The following FAF1 variants were observed in gnomAD, a reference collection of about 807,000 sequenced individuals.
FAF1 encodes Fas associated factor 1.
A neutral mutation model predicts 92.5 loss-of-function variants in FAF1; 25 were observed. That is an observed-to-expected ratio of 0.27 (90% CI 0.20 to 0.38). The LOEUF (loss-of-function observed/expected upper bound fraction) is 0.38, where lower values mean the gene tolerates loss of function less well. Among genes scored for constraint, FAF1 ranks in the 10% least tolerant of loss-of-function variants. FAF1 has a pLI of 1.00. For synonymous variants in FAF1, 234 were observed against 273.2 expected, an observed-to-expected ratio of 0.86 and a Z score of 1.42; for missense variants, 636 against 793.3, an observed-to-expected ratio of 0.80 and a Z score of 2.38.
intron 1 of FAF1, among the ~76,000 whole-genome samples, chr1:50,906,343 T>G (rs184496405): frequency 1.0e-3 from 152 of 152,288 alleles, no homozygotes; most frequent in Admixed American, 3.2e-3. Flanking sequence ...TTTGGCTTAC[T>G]ATTGTCTTGG....
In FAF1 at chr1:50,606,854, C is replaced by T. The variant is rs567588974; in HGVS notation, c.745-10638G>A. ...TCTTATATCACTCATTACCTGCTTA[C>T]GACTGGGAATTTCGAAAGGATACAT... On this transcript the variant is annotated intron_variant, in intron 8 of 18. Transcript: ENST00000396153. 2.0e-5 allele frequency: 3 copies of T among 152,144 alleles called. No individual in the cohort carries two copies. The East Asian group carries it at 5.8e-4, about 29-fold the overall frequency. 9.4% of individuals were successfully genotyped at this position (152,144 alleles called of 1,614,324 possible). A position where few individuals can be genotyped will look rare whatever the true frequency, so the allele number is the denominator to read the frequency against.
intron 18 of FAF1, among the ~76,000 whole-genome samples, chr1:50,465,948 T>C (rs75055136): frequency 0.014 from 2,079 of 152,066 alleles, 44 homozygotes; most frequent in African/African-American, 0.046. Context: ...GTCAGAGAAA[T>C]GCCAGCAAGT....
rs577687198 is a variant in FAF1 at position 50,889,483 on chromosome 1, C to A, written c.46-31486G>T. 2.4e-3 allele frequency among the ~76,000 whole-genome samples: 370 copies of A among 151,266 alleles called. 2 individuals carry two copies. The highest frequency in any genetic ancestry group is 8.7e-3 in the African/African-American group (357 of 41,168). On this transcript the variant is annotated intron_variant, in intron 1 of 18. Coordinates refer to ENST00000396153, the MANE Select transcript of FAF1 (RefSeq NM_007051.3). ...GGGTGTCAATTTTAGATCTTTCCTGCTTTCTCTTGTGGGCATTTAGTGCTA... is the reference window on the plus strand; with the variant it reads ...GGGTGTCAATTTTAGATCTTTCCTGATTTCTCTTGTGGGCATTTAGTGCTA...
intron 12 of FAF1, among the ~76,000 whole-genome samples, chr1:50,574,475 A>T (rs1650615985): frequency 6.6e-6 from 1 of 152,166 alleles, no homozygotes; most frequent in African/African-American, 2.4e-5. Context: ...TTAAAAGTGC[A>T]GGAAGGATTT....
At chr1:50,564,051 T>C (rs1457559801) in intron 13 of FAF1, among the ~76,000 whole-genome samples, 1 of 152,210 alleles carries the variant, frequency 6.6e-6, no homozygotes, top group Non-Finnish European at 1.5e-5. Flanking sequence ...ATCAAAGCAT[T>C]CACTTAGTTT....
intron 7 of FAF1, among the ~76,000 whole-genome samples, chr1:50,656,247 G>A (rs935787860): frequency 2.6e-5 from 4 of 151,358 alleles, no homozygotes; most frequent in South Asian, 2.1e-4. Flanking sequence ...CAGGAGAATC[G>A]TTTGCATCCG....
At chr1:50,691,613 C>CA (rs1424382356) in intron 7 of FAF1, among the ~76,000 whole-genome samples, 1 of 150,408 alleles carries the variant, frequency 6.6e-6, no homozygotes, top group Admixed American at 6.6e-5. Context: ...TTTTTTGAGA[C>CA]AGAGTTTCTC....
At chr1:50,661,629 G>A (rs12077720) in intron 7 of FAF1, among the ~76,000 whole-genome samples, 4,638 of 152,174 alleles carry the variant, frequency 0.03, 235 homozygotes, top group African/African-American at 0.1. Context: ...CCAGTGCATC[G>A]CATTATCAGA....
At chr1:50,497,840 G>A (rs187985753) in intron 15 of FAF1, among the ~76,000 whole-genome samples, 30 of 151,970 alleles carry the variant, frequency 2.0e-4, no homozygotes, top group African/African-American at 6.3e-4. Context: ...GTGCCACCGC[G>A]CCCGGGCTCA....
chr1:50,580,696 A>G (rs1362923119), intron 12 of FAF1, among the ~76,000 whole-genome samples: 6 of 152,234 alleles, frequency 3.9e-5, no homozygotes, highest in Non-Finnish European at 8.8e-5. Flanking sequence ...GGTCAACTAA[A>G]CATACAATAA....
intron 18 of FAF1, among the ~76,000 whole-genome samples, chr1:50,451,566 G>A (rs982932025): frequency 1.3e-5 from 2 of 152,216 alleles, no homozygotes; most frequent in African/African-American, 4.8e-5. Flanking sequence ...TTGTAGTCAT[G>A]TACTAGACTA....
At chr1:50,575,589 G>A (rs1650690523) in intron 12 of FAF1, among the ~76,000 whole-genome samples, 1 of 151,946 alleles carries the variant, frequency 6.6e-6, no homozygotes, top group Non-Finnish European at 1.5e-5. Flanking sequence ...TACATTATTT[G>A]TATAATTCAA....
At chr1:50,537,518 T>C (rs980190658) in intron 14 of FAF1, among the ~76,000 whole-genome samples, 4 of 152,190 alleles carry the variant, frequency 2.6e-5, no homozygotes, top group African/African-American at 9.6e-5. Flanking sequence ...ATGTGGATTA[T>C]GGCTATTAAC....
At chr1:50,675,210 T>C (rs1166840695) in intron 7 of FAF1, among the ~76,000 whole-genome samples, 2 of 152,226 alleles carry the variant, frequency 1.3e-5, no homozygotes, top group African/African-American at 2.4e-5. Flanking sequence ...CATTTTCAAG[T>C]AAATCTGGTA....
intron 1 of FAF1, among the ~76,000 whole-genome samples, chr1:50,929,789 T>C (rs1570152956): frequency 6.6e-6 from 1 of 152,342 alleles, no homozygotes; most frequent in African/African-American, 2.4e-5. Flanking sequence ...TCTAAAGATT[T>C]ATAAGATTAT....
intron 2 of FAF1, among the ~76,000 whole-genome samples, chr1:50,841,271 A>G (rs1476783687): frequency 6.6e-6 from 1 of 151,990 alleles, no homozygotes; most frequent in Non-Finnish European, 1.5e-5. Context: ...ACATTTACGT[A>G]TTTTCTCTCA....
In FAF1 at chr1:50,618,468, G is replaced by A. The variant is rs988909641; in HGVS notation, c.745-22252C>T. Reference sequence around the variant, plus strand: ...AGTAGAGATGGGGATTTACCATGTTGGCCAGGCAGGTCTCGAACTCCTGAC... The same window carrying A: ...AGTAGAGATGGGGATTTACCATGTTAGCCAGGCAGGTCTCGAACTCCTGAC... On this transcript the variant is annotated intron_variant, in intron 8 of 18. Transcript: ENST00000396153. Among the ~76,000 whole-genome samples, 3 of 104,062 alleles carry A rather than the reference G, an allele frequency of 2.9e-5. No homozygotes were observed. In the Admixed American group the frequency reaches 4.0e-4, roughly 14 times the overall value. 68.3% of individuals were successfully genotyped at this position (104,062 alleles called of 152,430 possible).
intron 1 of FAF1, among the ~76,000 whole-genome samples, chr1:50,881,305 T>C (rs1473120396): frequency 1.3e-5 from 2 of 152,222 alleles, no homozygotes; most frequent in East Asian, 1.9e-4. Flanking sequence ...TACAATCTAC[T>C]GAACTTCTCT....
chr1:50,697,631 C>T (rs1333522422), intron 7 of FAF1, among the ~76,000 whole-genome samples: 1 of 152,112 alleles, frequency 6.6e-6, no homozygotes, highest in Non-Finnish European at 1.5e-5. Flanking sequence ...TAAACAATGC[C>T]GGCTTTGCAA....
Sources: allele counts gnomAD v4.1 joint callset (sites outside exome capture counted in the v4.1 genomes callset), GRCh38; gene constraint gnomAD v4.1.1; transcripts MANE v1.5; gene names NCBI Gene and HGNC (gene_info 2026-07-23, HGNC 2026-07-21).